NRCAM: variants seen among roughly 807,000 people sequenced by gnomAD.
NRCAM encodes the protein NgCAM-related cell adhesion molecule.
Under a neutral mutation model 156.5 loss-of-function variants are expected in NRCAM, and 83 were observed. The observed-to-expected ratio is 0.53, with a 90% CI of 0.44 to 0.64. The LOEUF is 0.64. Among genes scored for constraint, NRCAM ranks in the 30% least tolerant of loss-of-function variants. The pLI, the probability that NRCAM is intolerant of heterozygous loss-of-function variation, is 0.00. For missense variants in NRCAM, 1,417 were observed against 1,597.3 expected (o/e 0.89, Z 1.92); for synonymous variants, 538 against 563.9 (o/e 0.95, Z 0.65).
In NRCAM at chr7:108,393,214, C is replaced by G. The variant is rs150106318; in HGVS notation, c.-174+6222G>C. 3.2e-4 allele frequency among the ~76,000 whole-genome samples: 48 copies of G among 152,216 alleles called. 1 individual carries two copies. In the East Asian group the frequency reaches 8.5e-3, roughly 27 times the overall value. On this transcript the variant is annotated intron_variant, in intron 2 of 32. Transcript: ENST00000379028. ...CTCCTTGAGCTGAGGTGGACTCTAC[C>G]CAGTTCGAGCTTCCCGGCAGCTTTG...
rs535954440 is a variant in NRCAM, at chr7:108,365,799, T to C, written c.-174+33637A>G. ...GTGACTTAATTTTATTTTGTAAAAA[T>C]ATGCCTTTTTGGTTATTTGTGGGAT... On this transcript the variant is annotated intron_variant, in intron 2 of 32. Coordinates refer to ENST00000379028, the MANE Select transcript of NRCAM (RefSeq NM_001037132.4). Among the ~76,000 whole-genome samples the C allele has an allele frequency of 2.0e-5, 3 of 151,620 alleles. No homozygotes were observed. In the South Asian group the frequency reaches 6.2e-4, roughly 31 times the overall value.
At chr7:108,385,523 A>G (rs146204764) in intron 2 of NRCAM, among the ~76,000 whole-genome samples, 2 of 152,326 alleles carry the variant, frequency 1.3e-5, no homozygotes, top group African/African-American at 4.8e-5. Context: ...CGCTGAGCAA[A>G]ATCACAGTGG....
intron 3 of NRCAM, among the ~76,000 whole-genome samples, chr7:108,275,076 C>G (rs1213445030): frequency 6.6e-6 from 1 of 152,174 alleles, no homozygotes; most frequent in Non-Finnish European, 1.5e-5. Context: ...CCTTGCATCC[C>G]AGGGATGAAG....
In NRCAM at chr7:108,181,733, A is replaced by G; in HGVS notation, c.2646+89T>C. The G allele has an allele frequency of 5.2e-6, 4 of 762,386 alleles. 1 individual carries two copies. In the South Asian group the frequency reaches 7.9e-5, roughly 15 times the overall value. The allele number at this position is 762,386 out of a possible 1,614,324, so 47.2% of individuals were successfully genotyped here. ...ACAAGTTCACAAAGCAATGAAACAA[A>G]TAAGCCCCACCTCCTGTGGTATGCA... On this transcript the variant is annotated intron_variant, in intron 24 of 32. Transcript: ENST00000379028.
At position 108,259,510 on chromosome 7, in the gene NRCAM, T is replaced by G. The variant is rs546503920; in HGVS notation, c.-106-19340A>C. Among the ~76,000 whole-genome samples, 7 of 152,270 alleles carry G rather than the reference T, an allele frequency of 4.6e-5. 1 individual carries two copies. In the South Asian group the frequency reaches 1.0e-3, roughly 23 times the overall value. ...ATTATTGGGTATATACCTGAAGAAATAGAAATCATTCTATTATAAAGATAC... is the reference window on the plus strand; with the variant it reads ...ATTATTGGGTATATACCTGAAGAAAGAGAAATCATTCTATTATAAAGATAC... On this transcript the variant is annotated intron_variant, in intron 3 of 32. Transcript: ENST00000379028.
At chr7:108,326,751 TGTA>T (rs2099073223) in intron 2 of NRCAM, among the ~76,000 whole-genome samples, 1 of 152,206 alleles carries the variant, frequency 6.6e-6, no homozygotes, top group South Asian at 2.1e-4. Context: ...GGCCATGAAC[TGTA>T]GATATTAAGT....
At chr7:108,214,001 T>G (rs2086289702) in intron 11 of NRCAM, among the ~76,000 whole-genome samples, 1 of 152,234 alleles carries the variant, frequency 6.6e-6, no homozygotes, top group African/African-American at 2.4e-5. Context: ...AGTTTGCCAG[T>G]ATTTTATTGA....
intron 1 of NRCAM, among the ~76,000 whole-genome samples, chr7:108,404,773 G>T (rs1327183745): frequency 6.6e-6 from 1 of 152,228 alleles, no homozygotes; most frequent in East Asian, 1.9e-4. Context: ...AGGTTGTACA[G>T]CTAGTTGGGG....
intron 1 of NRCAM, among the ~76,000 whole-genome samples, chr7:108,442,216 G>C (rs1438359173): frequency 6.6e-6 from 1 of 152,194 alleles, no homozygotes; most frequent in Non-Finnish European, 1.5e-5. Flanking sequence ...GCAGCTGTCA[G>C]TGCAGGGCAG....
chr7:108,416,413 C>T (rs1352503898), intron 1 of NRCAM, among the ~76,000 whole-genome samples: 2 of 152,122 alleles, frequency 1.3e-5, no homozygotes, highest in Admixed American at 6.6e-5. Flanking sequence ...AAACCACAGG[C>T]GTGTGGCAAA....
At chr7:108,420,908 G>T (rs1808708028) in intron 1 of NRCAM, among the ~76,000 whole-genome samples, 1 of 152,204 alleles carries the variant, frequency 6.6e-6, no homozygotes, top group Admixed American at 6.5e-5. Context: ...TGTAGAATGG[G>T]AAGAAACTAT....
chr7:108,407,667 G>A (rs1191039404), intron 1 of NRCAM, among the ~76,000 whole-genome samples: 1 of 152,158 alleles, frequency 6.6e-6, no homozygotes, highest in Non-Finnish European at 1.5e-5. Context: ...GAAGTTATGT[G>A]CTTACCCAGC....
chr7:108,397,955 A>C (rs2099781688), intron 2 of NRCAM, among the ~76,000 whole-genome samples: 1 of 152,238 alleles, frequency 6.6e-6, no homozygotes, highest in African/African-American at 2.4e-5. Context: ...GTCAGAATAA[A>C]ATGAAAATAG....
At chr7:108,414,221 G>C (rs2154421313) in intron 1 of NRCAM, among the ~76,000 whole-genome samples, 1 of 152,340 alleles carries the variant, frequency 6.6e-6, no homozygotes, top group Non-Finnish European at 1.5e-5. Flanking sequence ...GTGACAGACT[G>C]TTGCAAAGTA....
intron 1 of NRCAM, among the ~76,000 whole-genome samples, chr7:108,419,886 A>G (rs184112005): frequency 6.6e-6 from 1 of 152,314 alleles, no homozygotes; most frequent in Non-Finnish European, 1.5e-5. Context: ...ACCTCAGAGA[A>G]GGGAAATGAG....
At chr7:108,194,685 A>G (rs1189446420) in intron 15 of NRCAM, among the ~76,000 whole-genome samples, 1 of 152,240 alleles carries the variant, frequency 6.6e-6, no homozygotes, top group African/African-American at 2.4e-5. Flanking sequence ...CATCTGCATA[A>G]GCATCCATTT....
chr7:108,326,874 T>C (rs923220079), intron 2 of NRCAM, among the ~76,000 whole-genome samples: 1 of 152,110 alleles, frequency 6.6e-6, no homozygotes, highest in Non-Finnish European at 1.5e-5. Flanking sequence ...CCCTGAGGGA[T>C]AAAAACCTTT....
At chr7:108,432,546 A>G (rs1370535376) in intron 1 of NRCAM, among the ~76,000 whole-genome samples, 1 of 152,220 alleles carries the variant, frequency 6.6e-6, no homozygotes, top group Non-Finnish European at 1.5e-5. Context: ...TAGTGTGCAC[A>G]CTGAAGAGGA....
At chr7:108,231,304 TAAAAGAA>T in intron 7 of NRCAM, 151 bp from the exon 8 acceptor site, 1 of 587,560 alleles carries the variant, frequency 1.7e-6, no homozygotes, top group Non-Finnish European at 2.8e-6. Flanking sequence ...AATACAATGT[TAAAAGAA>T]AAAAGTAAAA....
Sources: allele counts gnomAD v4.1 joint callset (sites outside exome capture counted in the v4.1 genomes callset), GRCh38; gene constraint gnomAD v4.1.1; transcripts MANE v1.5; gene names NCBI Gene and HGNC (gene_info 2026-07-23, HGNC 2026-07-21).